UTY: variants seen among roughly 807,000 people sequenced by gnomAD.
UTY encodes the protein ubiquitously transcribed tetratricopeptide repeat containing, Y-linked, also known as histone demethylase UTY.
Under a neutral mutation model 32.5 loss-of-function variants are expected in UTY, and 12 were observed. That is an observed-to-expected ratio of 0.37 (90% CI 0.24 to 0.60). UTY has a LOEUF of 0.60. Among genes scored for constraint, UTY ranks in the 20% least tolerant of loss-of-function variants. The pLI is 0.69. For synonymous variants in UTY, 131 were observed against 103.4 expected, an observed-to-expected ratio of 1.27 and a Z score of -1.62; for missense variants, 303 against 299.2, an observed-to-expected ratio of 1.01 and a Z score of -0.09.
At chrY:13,287,576 G>A (rs2057492880) in intron 27 of UTY, among the ~76,000 whole-genome samples, 3 of 31,793 alleles carry the variant, frequency 9.4e-5, no homozygotes, top group Admixed American at 8.6e-4. Flanking sequence ...TGCTGCTACT[G>A]ATAGTAAGCA....
intron 18 of UTY, among the ~76,000 whole-genome samples, chrY:13,331,454 G>A (rs890295366): frequency 2.1e-4 from 7 of 33,862 alleles, no homozygotes; most frequent in Non-Finnish European, 4.4e-4. Context: ...AAGATCAAAG[G>A]CAGATAAATC....
intron 6 of UTY, among the ~76,000 whole-genome samples, chrY:13,407,376 T>G: frequency 3.1e-5 from 1 of 32,431 alleles, no homozygotes; most frequent in African/African-American, 1.2e-4. Flanking sequence ...CTACCATGTA[T>G]TAAACACATG....
chrY:13,286,856 T>C, intron 27 of UTY: 3 of 371,239 alleles, frequency 8.1e-6, no homozygotes, highest in Non-Finnish European at 1.2e-5. Context: ...TCAAGATAAC[T>C]GAAAACATTG....
chrY:13,474,066 T>C (rs576748326), intron 2 of UTY, among the ~76,000 whole-genome samples: 10 of 31,888 alleles, frequency 3.1e-4, no homozygotes, highest in African/African-American at 8.6e-4. Flanking sequence ...CTGGGCAACA[T>C]GGTAAAAGCC....
rs368971353 is a variant in UTY, at chrY:13,326,213, G to A, written c.2964+8C>T. 6.8e-5 allele frequency: 27 copies of A among 396,227 alleles called. No individual in the cohort carries two copies. The highest frequency in any genetic ancestry group is 9.2e-5 in the Non-Finnish European group (26 of 282,242). Reference sequence around the variant, plus strand: ...GATTTATTTATAAGTTACTCAATGCGGACTCACGTAAATACTAGGTGTGGG... The same window carrying A: ...GATTTATTTATAAGTTACTCAATGCAGACTCACGTAAATACTAGGTGTGGG... On this transcript the variant is annotated splice_region_variant and intron_variant, in intron 19 of 29. Coordinates refer to ENST00000545955, the MANE Select transcript of UTY (RefSeq NM_001258249.2).
chrY:13,293,323 AT>A (rs2057857635), intron 27 of UTY, among the ~76,000 whole-genome samples: 2 of 30,795 alleles, frequency 6.5e-5, no homozygotes, highest in African/African-American at 1.3e-4. Flanking sequence ...GGCATTCAAA[AT>A]TTTTTTTTTT....
At chrY:13,273,530 C>T in intron 27 of UTY, among the ~76,000 whole-genome samples, 1 of 33,327 alleles carries the variant, frequency 3.0e-5, no homozygotes, top group Admixed American at 2.8e-4. Flanking sequence ...AAAGAATACA[C>T]AGACCAAAAC....
intron 3 of UTY, among the ~76,000 whole-genome samples, chrY:13,449,633 G>A (rs1026286355): frequency 9.2e-5 from 3 of 32,714 alleles, no homozygotes; most frequent in South Asian, 6.6e-4. Flanking sequence ...AAAAGAAGTC[G>A]TATAAGCACA....
chrY:13,307,224 A>G, intron 21 of UTY, among the ~76,000 whole-genome samples: 1 of 33,626 alleles, frequency 3.0e-5, no homozygotes, highest in Admixed American at 2.7e-4. Flanking sequence ...TTTTCAATGC[A>G]AAGAGTTCTA....
At chrY:13,382,468 T>C (rs2066242537) in intron 8 of UTY, among the ~76,000 whole-genome samples, 1 of 33,845 alleles carries the variant, frequency 3.0e-5, no homozygotes, top group Non-Finnish European at 7.3e-5. Context: ...GTCAACTCTC[T>C]GTATCCCTGG....
At position 13,335,544 on chromosome Y, in the gene UTY, A is replaced by G. The variant is rs766978895; in HGVS notation, c.2834+19T>C. On this transcript the variant is annotated intron_variant, in intron 18 of 29. Coordinates refer to ENST00000545955, the MANE Select transcript of UTY (RefSeq NM_001258249.2). ...GTAGTTGACCATTTTCATTTTGTGA[A>G]GAATTTTCCCACACTAACCTGCATG... 2.5e-6 allele frequency: 1 copy of G among 397,645 alleles called. No individual in the cohort carries two copies. The highest frequency in any genetic ancestry group is 7.4e-5 in the Admixed American group (1 of 13,525).
At chrY:13,467,572 C>T (rs2078026011) in intron 3 of UTY, among the ~76,000 whole-genome samples, 1 of 32,934 alleles carries the variant, frequency 3.0e-5, no homozygotes, top group African/African-American at 1.2e-4. Context: ...AGTTCAAGAC[C>T]AGCCTGGTCA....
At chrY:13,414,031 T>C in intron 5 of UTY, among the ~76,000 whole-genome samples, 1 of 34,330 alleles carries the variant, frequency 2.9e-5, no homozygotes, top group African/African-American at 1.1e-4. Flanking sequence ...ACAGAAAGTT[T>C]TTCTGTTCCA....
At chrY:13,409,816 A>G in intron 6 of UTY, among the ~76,000 whole-genome samples, 2 of 33,372 alleles carry the variant, frequency 6.0e-5, no homozygotes, top group African/African-American at 2.3e-4. Context: ...AAATCCGAGT[A>G]AAAACTCTGA....
intron 28 of UTY, among the ~76,000 whole-genome samples, chrY:13,242,119 T>G (rs1603221237): frequency 3.0e-5 from 1 of 33,170 alleles, no homozygotes; most frequent in East Asian, 7.7e-4. Context: ...AAAAAAACGC[T>G]GAAGAATAAA....
At chrY:13,310,488 A>T in intron 21 of UTY, among the ~76,000 whole-genome samples, 1 of 32,991 alleles carries the variant, frequency 3.0e-5, no homozygotes, top group South Asian at 6.6e-4. Context: ...TGAAGAAAAA[A>T]CTCACATGAT....
chrY:13,446,619 T>TAGATAGACAGACAGACAGAC (rs1556515298), intron 4 of UTY, among the ~76,000 whole-genome samples: 6 of 14,269 alleles, frequency 4.2e-4, no homozygotes, highest in South Asian at 3.6e-3. Flanking sequence ...GATAGATAGA[T>TAGATAGACAGACAGACAGAC]AGACAGACAG....
chrY:13,446,615 T>TAGACAGACAGACAGAC (rs1452698833), intron 4 of UTY, among the ~76,000 whole-genome samples: 4 of 13,461 alleles, frequency 3.0e-4, no homozygotes, highest in Non-Finnish European at 6.8e-4. Flanking sequence ...GATAGATAGA[T>TAGACAGACAGACAGAC]AGATAGACAG....
intron 4 of UTY, among the ~76,000 whole-genome samples, chrY:13,448,403 T>C (rs111980899): frequency 7.8e-4 from 26 of 33,408 alleles, no homozygotes; most frequent in African/African-American, 2.9e-3. Flanking sequence ...GTCTTTTCAG[T>C]TTTGATAGCA....
Sources: gnomAD v4.1 joint callset for allele counts (sites outside exome capture counted in the v4.1 genomes callset) on GRCh38, gnomAD v4.1.1 for gene constraint, MANE v1.5 for transcripts, NCBI Gene and HGNC (gene_info 2026-07-23, HGNC 2026-07-21) for gene names.